TAGLN3: variants seen among roughly 807,000 people sequenced by gnomAD.
TAGLN3 encodes transgelin-3.
TAGLN3 carries 12 observed loss-of-function variants against 25.4 expected under a neutral mutation model. The ratio of observed to expected loss-of-function variants is 0.47; its 90% CI spans 0.30 to 0.77. The LOEUF is 0.77. Among genes scored for constraint, TAGLN3 ranks in the 30% least tolerant of loss-of-function variants. The pLI is 0.06. For synonymous variants in TAGLN3, 96 were observed against 94.8 expected, an observed-to-expected ratio of 1.01 and a Z score of -0.08; for missense variants, 218 against 255.8, an observed-to-expected ratio of 0.85 and a Z score of 1.01.
In TAGLN3 at chr3:111,999,407, TCTC is replaced by T; in HGVS notation, c.-2-13_-2-11del. 6.2e-7 allele frequency: 1 copy of T among 1,612,356 alleles called. No individual in the cohort carries two copies. Among genetic ancestry groups the T allele is most frequent in the South Asian group, 1.1e-5 (1 of 91,016 alleles). On this transcript the variant is annotated splice_polypyrimidine_tract_variant and intron_variant, in intron 1 of 4. Transcript: ENST00000478951. ...TATTGTGTGGATGCCGCGCGTGTCT[TCTC>T]TTCTTTCCAGAGATGGCTAACAGGG...
At chr3:111,999,287 A>G in intron 1 of TAGLN3, 134 bp from the exon 2 acceptor site, 3 of 1,017,638 alleles carry the variant, frequency 2.9e-6, no homozygotes, top group Non-Finnish European at 4.2e-6. Context: ...GATTTAAACC[A>G]CGCCCGGCTT....
chr3:112,010,922 G>A lies in TAGLN3; in HGVS notation c.356-841G>A, dbSNP rs751739364. On this transcript the variant is annotated intron_variant, in intron 3 of 4. Coordinates refer to ENST00000478951, the MANE Select transcript of TAGLN3 (RefSeq NM_001008272.2). ...ATTCCCCAGAGACTGAGCTGCAGCA[G>A]CTGGGCCAAAAAACTGCAGACGGTT... is the stretch of plus-strand genomic sequence containing the variant. Among the ~76,000 whole-genome samples, 7 of 152,198 alleles carry A rather than the reference G, an allele frequency of 4.6e-5. No individual in the cohort carries two copies. The South Asian group carries it at 1.4e-3, about 31-fold the overall frequency.
chr3:112,011,302 C>T (rs1205877117), intron 3 of TAGLN3, among the ~76,000 whole-genome samples: 3 of 152,240 alleles, frequency 2.0e-5, no homozygotes, highest in African/African-American at 7.2e-5. Flanking sequence ...CCCTTGCTCT[C>T]CTCTCTGTCA....
chr3:112,011,231 G>A (rs987315217), intron 3 of TAGLN3, among the ~76,000 whole-genome samples: 3 of 152,270 alleles, frequency 2.0e-5, no homozygotes, highest in Non-Finnish European at 4.4e-5. Context: ...ATGGTCACTG[G>A]GCTGCTTAGG....
At chr3:112,000,290 A>G (rs2072841293) in intron 2 of TAGLN3, among the ~76,000 whole-genome samples, 1 of 152,100 alleles carries the variant, frequency 6.6e-6, no homozygotes, top group South Asian at 2.1e-4. Flanking sequence ...TACCACATCC[A>G]CTTCTTTTAC....
chr3:112,011,502 C>G (rs1438933117), intron 3 of TAGLN3, among the ~76,000 whole-genome samples: 1 of 152,218 alleles, frequency 6.6e-6, no homozygotes, highest in Non-Finnish European at 1.5e-5. Flanking sequence ...TATACAGCAA[C>G]TATGAACGGA....
Position 112,013,788 on chromosome 3 carries a change from G to GTCTC in TAGLN3, c.*239_*242dup. 1 of 569,162 alleles carries GTCTC rather than the reference G, an allele frequency of 1.8e-6. No homozygotes were observed. The highest frequency in any genetic ancestry group is 3.1e-6 in the Non-Finnish European group (1 of 321,016). 35.3% of individuals were successfully genotyped at this position (569,162 alleles called of 1,614,324 possible). On this transcript the variant is annotated 3_prime_UTR_variant, in exon 5 of 5. Transcript: ENST00000478951. ...TTTCCTGAGCTCCTCGGGCCCCAGA[G>GTCTC]TCTCTGTTTGATTATTTATTTATTT...
intron 3 of TAGLN3, among the ~76,000 whole-genome samples, chr3:112,003,106 T>C (rs2107720728): frequency 6.6e-6 from 1 of 152,074 alleles, no homozygotes; most frequent in South Asian, 2.1e-4. Flanking sequence ...GGAAGAACTG[T>C]AGGTAGGTCA....
Position 112,013,448 on chromosome 3 carries a change from A to G in TAGLN3, c.497A>G (p.Gln166Arg). ...AATCGGAGAGGCTTTTCCGAGGAGC[A>G]GCTTCGCCAGGGACAGAACGTAATA... is the stretch of plus-strand genomic sequence containing the variant. ...QQNRRGFSEE[Q>R]LRQGQNVIGL... Residue 166 changes from glutamine (Q) to arginine (R), a missense_variant, in exon 5 of 5, where the codon CAG becomes CGG. By Grantham distance (43) the Gln-to-Arg change is conservative (BLOSUM62 1). Coordinates refer to ENST00000478951, the MANE Select transcript of TAGLN3 (RefSeq NM_001008272.2). 6.2e-7 allele frequency: 1 copy of G among 1,613,910 alleles called. No individual in the cohort carries two copies. Among genetic ancestry groups the G allele is most frequent in the Non-Finnish European group, 8.5e-7 (1 of 1,179,806 alleles).
chr3:112,000,599 G>A, intron 2 of TAGLN3, 173 bp from the exon 3 acceptor site: 1 of 609,574 alleles, frequency 1.6e-6, no homozygotes, highest in Non-Finnish European at 2.9e-6. Context: ...GGTCTTTGGG[G>A]CTTAGTATAG....
Position 112,013,260 on chromosome 3 carries a change from C to T in TAGLN3, c.459-150C>T, listed in dbSNP as rs538101773. ...CACAGTGCAGGGTAGGGCCATAGCT[C>T]AGAGTAGGGCCATAGCTCATAACCA... On this transcript the variant is annotated intron_variant, in intron 4 of 4. Coordinates refer to ENST00000478951, the MANE Select transcript of TAGLN3 (RefSeq NM_001008272.2). The T allele has an allele frequency of 1.3e-3, 1,337 of 1,008,132 alleles. 4 individuals carry two copies. Among genetic ancestry groups the T allele is most frequent in the South Asian group, 3.3e-3 (193 of 58,332 alleles). 62.4% of individuals were successfully genotyped at this position (1,008,132 alleles called of 1,614,324 possible).
At chr3:112,010,831 T>C (rs2072968325) in intron 3 of TAGLN3, among the ~76,000 whole-genome samples, 1 of 152,214 alleles carries the variant, frequency 6.6e-6, no homozygotes, top group South Asian at 2.1e-4. Flanking sequence ...AAGGCCTTAA[T>C]TGTTTATTTT....
At chr3:112,011,669 T>C in intron 3 of TAGLN3, 94 bp from the exon 4 acceptor site, 1 of 1,196,052 alleles carries the variant, frequency 8.4e-7, no homozygotes. Context: ...TGCAGCCTTC[T>C]ATCAGAACTT....
At chr3:111,999,690 G>C in intron 2 of TAGLN3, 88 bp downstream of exon 2, 2 of 1,503,368 alleles carry the variant, frequency 1.3e-6, no homozygotes, top group Non-Finnish European at 1.8e-6. Context: ...TGCGGGAAGA[G>C]CTGCTGTTGC....
At chr3:112,011,469 T>A (rs1057444213) in intron 3 of TAGLN3, among the ~76,000 whole-genome samples, 2 of 152,262 alleles carry the variant, frequency 1.3e-5, no homozygotes, top group African/African-American at 4.8e-5. Flanking sequence ...ATACTCAATT[T>A]GATGCACATG....
At chr3:112,013,220 G>C (rs2072997835) in intron 4 of TAGLN3, among the ~76,000 whole-genome samples, 190 bp from the exon 5 acceptor site, 1 of 152,020 alleles carries the variant, frequency 6.6e-6, no homozygotes, top group South Asian at 2.1e-4. Flanking sequence ...GTAGCGCCAC[G>C]GCTCAGGGTA....
At chr3:112,000,656 A>T in intron 2 of TAGLN3, 116 bp from the exon 3 acceptor site, 1 of 1,176,004 alleles carries the variant, frequency 8.5e-7, no homozygotes, top group Non-Finnish European at 1.2e-6. Flanking sequence ...AGGGCCCATG[A>T]CTTGCTCCTG....
intron 3 of TAGLN3, among the ~76,000 whole-genome samples, chr3:112,003,991 T>C (rs2107721290): frequency 6.6e-6 from 1 of 152,280 alleles, no homozygotes; most frequent in East Asian, 1.9e-4. Flanking sequence ...ATACTTCAGA[T>C]AGACTGCAGG....
chr3:112,000,798 A>C lies in TAGLN3; in HGVS notation c.207A>C (p.Leu69Phe). The C allele has an allele frequency of 6.2e-7, 1 of 1,614,186 alleles. No individual in the cohort carries two copies. The highest frequency in any genetic ancestry group is 8.5e-7 in the Non-Finnish European group (1 of 1,180,028). ...TCCTGTGCAAGCTGATAAATAGTTT[A>C]TACCCACCAGGACAAGAGCCCATAC... is the stretch of plus-strand genomic sequence containing the variant. Reference protein sequence around the residue: ...GTVLCKLINSLYPPGQEPIPK... With the variant: ...GTVLCKLINSFYPPGQEPIPK... Residue 69 changes from leucine (L) to phenylalanine (F), a missense_variant, in exon 3 of 5, where the codon TTA (leucine) becomes TTC (phenylalanine). Transcript: ENST00000478951.
Sources: gnomAD v4.1 joint callset for allele counts (sites outside exome capture counted in the v4.1 genomes callset) on GRCh38, gnomAD v4.1.1 for gene constraint, MANE v1.5 for transcripts, NCBI Gene and HGNC (gene_info 2026-07-23, HGNC 2026-07-21) for gene names.